The following EXOSC10 variants were observed in gnomAD, a reference collection of about 807,000 sequenced individuals.
EXOSC10 encodes exosome complex component 10.
Under a neutral mutation model 126.6 loss-of-function variants are expected in EXOSC10, and 94 were observed. The ratio of observed to expected loss-of-function variants is 0.74; its 90% CI spans 0.63 to 0.88. The LOEUF (loss-of-function observed/expected upper bound fraction) is 0.88, where lower values mean the gene tolerates loss of function less well. EXOSC10 is among the 40% of genes least tolerant of loss of function. The pLI is 0.00. For synonymous variants in EXOSC10, 395 were observed against 400.8 expected (o/e 0.99, Z 0.17); for missense variants, 1,041 against 1,100.5 (o/e 0.95, Z 0.77).
intron 19 of EXOSC10, 191 bp from the exon 20 acceptor site, chr1:11,072,362 C>A (rs2100953693): frequency 1.9e-6 from 1 of 535,610 alleles, no homozygotes; most frequent in East Asian, 3.3e-5. Flanking sequence ...CTATTAAGGA[C>A]AAAGTGCTAC....
chr1:11,077,806 A>G (rs541871833), intron 14 of EXOSC10, among the ~76,000 whole-genome samples, 155 bp from the exon 15 acceptor site: 1 of 152,190 alleles, frequency 6.6e-6, no homozygotes, highest in Admixed American at 6.5e-5. Flanking sequence ...GCCTGGCATG[A>G]TAATTATTTG....
In EXOSC10 at chr1:11,091,196, C is replaced by A. The variant is rs1248055641; in HGVS notation, c.478-17G>T. 1 of 1,605,904 alleles carries A rather than the reference C, an allele frequency of 6.2e-7. No individual in the cohort carries two copies. Among genetic ancestry groups the A allele is most frequent in the East Asian group, 2.2e-5 (1 of 44,822 alleles). ...TTCTGCTGCCTATGATCAATGAATA[C>A]AAATACTTTATAACACAGCAACTTG... is the stretch of plus-strand genomic sequence containing the variant. On this transcript the variant is annotated splice_polypyrimidine_tract_variant and intron_variant, in intron 4 of 24. Transcript: ENST00000376936.
intron 3 of EXOSC10, among the ~76,000 whole-genome samples, chr1:11,092,917 T>C (rs1246195378): frequency 2.0e-5 from 3 of 152,178 alleles, no homozygotes; most frequent in Non-Finnish European, 4.4e-5. Context: ...TTGTGTAAGA[T>C]TTTGCCCAAC....
At chr1:11,081,609 C>A (rs1640171190) in intron 10 of EXOSC10, among the ~76,000 whole-genome samples, 1 of 152,182 alleles carries the variant, frequency 6.6e-6, no homozygotes, top group South Asian at 2.1e-4. Flanking sequence ...GAAATGGGAA[C>A]CAGGTACTTC....
Position 11,080,798 on chromosome 1 carries a change from C to A in EXOSC10, c.1552G>T (p.Asp518Tyr). ...TAFQLLFAWR[D>Y]KTARREDESY... ...TCATCTTCCCTGCGAGCTGTTTTAT[C>A]CCTCCAGGCAAACAGCAGCTGAAAG... is the stretch of plus-strand genomic sequence containing the variant. The change falls in exon 12 of 25, where the codon GAT becomes TAT. Residue 518 changes from aspartate (D) to tyrosine (Y), a missense_variant. Transcript: ENST00000376936. The A allele has an allele frequency of 1.9e-6, 3 of 1,614,164 alleles. No homozygotes were observed. The highest frequency in any genetic ancestry group is 2.5e-6 in the Non-Finnish European group (3 of 1,180,016).
chr1:11,086,823 C>G (rs922532099), intron 9 of EXOSC10, among the ~76,000 whole-genome samples: 4 of 152,012 alleles, frequency 2.6e-5, no homozygotes, highest in Admixed American at 6.6e-5. Flanking sequence ...CAAAGCAGTG[C>G]GTAGAGGGAA....
chr1:11,068,569 C>CCTGT, intron 23 of EXOSC10, 76 bp downstream of exon 23: 1 of 1,099,794 alleles, frequency 9.1e-7, no homozygotes, highest in Non-Finnish European at 1.4e-6. Context: ...CCTGGATGGG[C>CCTGT]CTGTCTTCTC....
intron 19 of EXOSC10, among the ~76,000 whole-genome samples, chr1:11,073,369 T>C (rs1639621163): frequency 6.6e-6 from 1 of 151,920 alleles, no homozygotes; most frequent in Non-Finnish European, 1.5e-5. Context: ...CCTGACCTCA[T>C]GATCCGCCCG....
In EXOSC10 at chr1:11,070,911, G is replaced by A; in HGVS notation, c.2305C>T (p.Gln769Ter). 1.2e-6 allele frequency: 2 copies of A among 1,614,072 alleles called. No individual in the cohort carries two copies. The highest frequency in any genetic ancestry group is 4.5e-5 in the East Asian group (2 of 44,882). ...AAAEQAISVR[Q>*]QVVLENAAKK... The stretch of plus-strand genomic sequence containing the variant: ...AAGCTGGCACATACCACGACCTGCT[G>A]TCGGACGGAGATGGCCTGTTCTGCT... The change falls in exon 21 of 25, where the codon CAG becomes TAG. Residue 769 changes from glutamine to a stop codon, truncating the protein, a stop_gained. Coordinates refer to ENST00000376936, the MANE Select transcript of EXOSC10 (RefSeq NM_001001998.3). LOFTEE classifies it high-confidence loss of function.
intron 24 of EXOSC10, 91 bp downstream of exon 24, chr1:11,067,917 T>G (rs146632074): frequency 8.9e-7 from 1 of 1,119,140 alleles, no homozygotes; most frequent in Non-Finnish European, 1.3e-6. Flanking sequence ...CCCTGGACAC[T>G]CGCTCCCCAG....
At chr1:11,086,617 A>G (rs1322018853) in intron 9 of EXOSC10, among the ~76,000 whole-genome samples, 5 of 152,322 alleles carry the variant, frequency 3.3e-5, no homozygotes, top group Non-Finnish European at 7.3e-5. Flanking sequence ...ATAACAAACT[A>G]TCTCTCAGAC....
chr1:11,093,505 A>C (rs1402853687), intron 3 of EXOSC10, among the ~76,000 whole-genome samples: 1 of 152,218 alleles, frequency 6.6e-6, no homozygotes, highest in African/African-American at 2.4e-5. Flanking sequence ...AGATGACTTC[A>C]TGGGACAGGA....
chr1:11,083,774 C>T (rs1640324454), intron 9 of EXOSC10, among the ~76,000 whole-genome samples: 1 of 152,134 alleles, frequency 6.6e-6, no homozygotes, highest in Non-Finnish European at 1.5e-5. Flanking sequence ...CTATCCCTCC[C>T]CCCTTTCCCC....
At chr1:11,069,499 T>A in intron 22 of EXOSC10, 60 bp downstream of exon 22, 1 of 1,563,622 alleles carries the variant, frequency 6.4e-7, no homozygotes, top group Non-Finnish European at 8.7e-7. Flanking sequence ...GGTCTCTTTA[T>A]GGCTTCCTCC....
At position 11,080,566 on chromosome 1, in the gene EXOSC10, ACACACACACAC is replaced by A. The variant is rs1640101318; in HGVS notation, c.1587-28_1587-18del. On this transcript the variant is annotated intron_variant, in intron 12 of 24. Coordinates refer to ENST00000376936, the MANE Select transcript of EXOSC10 (RefSeq NM_001001998.3). Reference sequence around the variant, plus strand: ...AGTACATATCTGGAAAAAAAAAAACACACACACACACACACACACACACACACACACACACA... The same window carrying A: ...AGTACATATCTGGAAAAAAAAAAACAACACACACACACACACACACACACA... 84 of 1,185,358 alleles carry A rather than the reference ACACACACACAC, an allele frequency of 7.1e-5. 1 individual carries two copies. Among genetic ancestry groups the A allele is most frequent in the Middle Eastern group, 3.0e-4 (1 of 3,306 alleles). 73.4% of individuals were successfully genotyped at this position (1,185,358 alleles called of 1,614,324 possible). A position where few individuals can be genotyped will look rare whatever the true frequency, so the allele number is the denominator to read the frequency against.
chr1:11,067,633 TCAA>T (rs964475637), intron 24 of EXOSC10, among the ~76,000 whole-genome samples: 13 of 152,058 alleles, frequency 8.5e-5, no homozygotes, highest in African/African-American at 2.7e-4. Context: ...AAACCACTCT[TCAA>T]CAACAAGGAT....
In EXOSC10 at chr1:11,081,175, A is replaced by G. The variant is rs146729002; in HGVS notation, c.1344T>C (p.Tyr448=). The change falls in exon 11 of 25, where the codon TAT becomes TAC. Residue 448 remains tyrosine (Y), a synonymous_variant. Transcript: ENST00000376936. ...RDDTHYLLYI[Y]DKMRLEMWER... is the part of the protein sequence containing the mutation. ...CCCACATCTCCAGCCTCATTTTGTC[A>G]TAGATATATAGCAGGTAATGGGTGT... 8.8e-5 allele frequency: 142 copies of G among 1,614,124 alleles called. 1 individual carries two copies. The highest frequency in any genetic ancestry group is 1.1e-4 in the Non-Finnish European group (132 of 1,180,034).
intron 24 of EXOSC10, 102 bp downstream of exon 24, chr1:11,067,906 C>A: frequency 2.1e-6 from 2 of 972,890 alleles, no homozygotes; most frequent in Non-Finnish European, 3.2e-6. Flanking sequence ...TGGTTGAAGA[C>A]CCCTGGACAC....
chr1:11,081,143 C>T lies in EXOSC10; in HGVS notation c.1376G>A (p.Gly459Asp). The change falls in exon 11 of 25, where the codon GGC becomes GAC. Residue 459 changes from glycine to aspartate, a missense_variant. Coordinates refer to ENST00000376936, the MANE Select transcript of EXOSC10 (RefSeq NM_001001998.3). ...CTGCAGCTGCACCGGCTGCCCGTTGCCGCGCTCCCACATCTCCAGCCTCAT... is the reference window on the plus strand; with the variant it reads ...CTGCAGCTGCACCGGCTGCCCGTTGTCGCGCTCCCACATCTCCAGCCTCAT... ...DKMRLEMWER[G>D]NGQPVQLQVV... is the part of the protein sequence containing the mutation. 1 of 1,614,182 alleles carries T rather than the reference C, an allele frequency of 6.2e-7. No homozygotes were observed. Among genetic ancestry groups the T allele is most frequent in the East Asian group, 2.2e-5 (1 of 44,894 alleles).
Sources: allele counts gnomAD v4.1 joint callset (sites outside exome capture counted in the v4.1 genomes callset), GRCh38; gene constraint gnomAD v4.1.1; transcripts MANE v1.5; gene names NCBI Gene and HGNC (gene_info 2026-07-23, HGNC 2026-07-21).